TRAPPC9: variants seen among roughly 807,000 people sequenced by gnomAD.
TRAPPC9 encodes IKK2 binding protein.
A neutral mutation model predicts 124.0 loss-of-function variants in TRAPPC9; 83 were observed. That is an observed-to-expected ratio of 0.67 (90% CI 0.56 to 0.80). The LOEUF is 0.80. Among genes scored for constraint, TRAPPC9 ranks in the 30% least tolerant of loss-of-function variants. The pLI, the probability that TRAPPC9 is intolerant of heterozygous loss-of-function variation, is 0.00. For missense variants in TRAPPC9, 1,302 were observed against 1,508.3 expected, an observed-to-expected ratio of 0.86 and a Z score of 2.27; for synonymous variants, 638 against 617.5, an observed-to-expected ratio of 1.03 and a Z score of -0.49.
chr8:139,847,274 A>C (rs1213087834), intron 21 of TRAPPC9, among the ~76,000 whole-genome samples: 1 of 152,026 alleles, frequency 6.6e-6, no homozygotes, highest in Non-Finnish European at 1.5e-5. Flanking sequence ...CGGGGGAAAC[A>C]CTCTTCCATC....
At chr8:140,376,832 G>A (rs537795714) in intron 7 of TRAPPC9, among the ~76,000 whole-genome samples, 82 of 148,280 alleles carry the variant, frequency 5.5e-4, no homozygotes, top group African/African-American at 1.9e-3. Context: ...AACCGAGATC[G>A]CGCCACTGCA....
chr8:139,815,103 G>T (rs1200151136), intron 21 of TRAPPC9, among the ~76,000 whole-genome samples: 1 of 152,210 alleles, frequency 6.6e-6, no homozygotes, highest in South Asian at 2.1e-4. Context: ...GTAAAGTCCT[G>T]CAGTGGACAG....
At chr8:140,030,910 A>G (rs577301119) in intron 17 of TRAPPC9, among the ~76,000 whole-genome samples, 70 of 152,210 alleles carry the variant, frequency 4.6e-4, no homozygotes, top group African/African-American at 1.6e-3. Flanking sequence ...AAAATATTCT[A>G]TATCTTTATG....
intron 20 of TRAPPC9, among the ~76,000 whole-genome samples, chr8:139,904,064 G>A (rs1480186709): frequency 6.6e-6 from 1 of 152,006 alleles, no homozygotes; most frequent in Non-Finnish European, 1.5e-5. Flanking sequence ...CAGCACTTGG[G>A]CAAGCAAAAG....
At chr8:139,931,744 G>A (rs1833157900) in intron 19 of TRAPPC9, 1 of 160,732 alleles carries the variant, frequency 6.2e-6, no homozygotes. Flanking sequence ...ATAAGTCTGA[G>A]GCTCTGACCA....
intron 17 of TRAPPC9, chr8:140,098,657 C>T (rs1025394009): frequency 1.3e-5 from 2 of 151,844 alleles, no homozygotes; most frequent in African/African-American, 4.8e-5. Flanking sequence ...CTTCAGCATC[C>T]CCGCGATGCA....
intron 21 of TRAPPC9, among the ~76,000 whole-genome samples, chr8:139,849,147 T>A (rs561336397): frequency 6.6e-6 from 1 of 152,182 alleles, no homozygotes; most frequent in Non-Finnish European, 1.5e-5. Flanking sequence ...CCAAATTGCA[T>A]TGAGCCTTCG....
At chr8:140,017,674 CT>C (rs1450874847) in intron 18 of TRAPPC9, among the ~76,000 whole-genome samples, 7 of 152,104 alleles carry the variant, frequency 4.6e-5, no homozygotes, top group Non-Finnish European at 8.8e-5. Context: ...CAACTTTGTT[CT>C]TTTTTGTCAA....
intron 19 of TRAPPC9, among the ~76,000 whole-genome samples, chr8:139,917,064 G>C (rs995037431): frequency 6.6e-5 from 10 of 151,664 alleles, no homozygotes; most frequent in Admixed American, 2.0e-4. Context: ...GAAACGGCGT[G>C]AACACGGACG....
chr8:140,244,158 T>C (rs1371448480), intron 16 of TRAPPC9, among the ~76,000 whole-genome samples: 2 of 152,018 alleles, frequency 1.3e-5, no homozygotes, highest in African/African-American at 4.8e-5. Flanking sequence ...GCCAAAGAGG[T>C]TGGGGACCGC....
At chr8:139,876,876 A>G (rs1829353118) in intron 21 of TRAPPC9, among the ~76,000 whole-genome samples, 3 of 152,188 alleles carry the variant, frequency 2.0e-5, no homozygotes, top group Admixed American at 2.0e-4. Context: ...CTAGTCATGA[A>G]GAGTTTGGAC....
chr8:140,120,300 G>A (rs1171709134), intron 17 of TRAPPC9, among the ~76,000 whole-genome samples: 1 of 152,208 alleles, frequency 6.6e-6, no homozygotes, highest in Non-Finnish European at 1.5e-5. Flanking sequence ...AACAGAGCCA[G>A]CACCAAGCTG....
intron 17 of TRAPPC9, among the ~76,000 whole-genome samples, chr8:140,139,271 C>T (rs141162429): frequency 2.2e-3 from 332 of 152,248 alleles, no homozygotes; most frequent in African/African-American, 7.1e-3. Context: ...CCCTACTTTA[C>T]GGCCTGCTCA....
At chr8:140,094,645 G>C (rs915542885) in intron 17 of TRAPPC9, among the ~76,000 whole-genome samples, 26 of 152,172 alleles carry the variant, frequency 1.7e-4, no homozygotes, top group Non-Finnish European at 1.5e-5. Flanking sequence ...AAGTCCTCAA[G>C]AAGAGGGCCT....
chr8:139,737,955 C>T (rs189532408), intron 21 of TRAPPC9, among the ~76,000 whole-genome samples: 353 of 152,302 alleles, frequency 2.3e-3, no homozygotes, highest in Middle Eastern at 6.8e-3. Context: ...TCCTCTCCCG[C>T]GGGCTGGCTG....
At chr8:140,395,942 G>T (rs919635670) in intron 7 of TRAPPC9, among the ~76,000 whole-genome samples, 1 of 151,992 alleles carries the variant, frequency 6.6e-6, no homozygotes, top group Non-Finnish European at 1.5e-5. Flanking sequence ...ACAGCCGGCC[G>T]CTGACCCTTT....
At chr8:140,202,302 C>G (rs55707943) in intron 17 of TRAPPC9, among the ~76,000 whole-genome samples, 1 of 151,808 alleles carries the variant, frequency 6.6e-6, no homozygotes, top group African/African-American at 2.4e-5. Flanking sequence ...AGTGAATCAA[C>G]GGAAATCCAT....
chr8:139,833,578 G>A lies in TRAPPC9; in HGVS notation c.3055+52301C>T, dbSNP rs148261361. ...AAGAAGTCATTTCCTTACTCGAAGC[G>A]GAGGCTTGCCCTAAACGCAGGCCTT... On this transcript the variant is annotated intron_variant, in intron 21 of 22. Coordinates refer to ENST00000438773, the MANE Select transcript of TRAPPC9 (RefSeq NM_001160372.4). Among the ~76,000 whole-genome samples, 376 of 152,382 alleles carry A rather than the reference G, an allele frequency of 2.5e-3. 3 individuals carry two copies. The South Asian group carries it at 0.032, about 13-fold the overall frequency.
At chr8:140,315,556 G>T (rs1408995936) in intron 9 of TRAPPC9, among the ~76,000 whole-genome samples, 6 of 151,802 alleles carry the variant, frequency 4.0e-5, no homozygotes, top group Admixed American at 3.9e-4. Flanking sequence ...GAAAATTAAG[G>T]CTTCTTTCTC....
Sources: gnomAD v4.1 joint callset for allele counts (sites outside exome capture counted in the v4.1 genomes callset) on GRCh38, gnomAD v4.1.1 for gene constraint, MANE v1.5 for transcripts, NCBI Gene and HGNC (gene_info 2026-07-23, HGNC 2026-07-21) for gene names.